The following PDE1A variants were observed in gnomAD, a reference collection of about 807,000 sequenced individuals.
PDE1A encodes phosphodiesterase 1A.
In PDE1A, 35 loss-of-function variants were observed where a neutral mutation model predicts 61.7. The ratio of observed to expected loss-of-function variants is 0.57; its 90% CI spans 0.43 to 0.75. The LOEUF is 0.75. Among genes scored for constraint, PDE1A ranks in the 30% least tolerant of loss-of-function variants. The pLI is 0.00. For synonymous variants in PDE1A, 232 were observed against 213.2 expected, an observed-to-expected ratio of 1.09 and a Z score of -0.77; for missense variants, 597 against 630.6, an observed-to-expected ratio of 0.95 and a Z score of 0.57.
chr2:182,248,803 G>A (rs1691179798), intron 2 of PDE1A, among the ~76,000 whole-genome samples: 1 of 152,126 alleles, frequency 6.6e-6, no homozygotes, highest in Admixed American at 6.5e-5. Flanking sequence ...GTGCAGTTAG[G>A]AGATACTGGT....
chr2:182,559,497 T>C, the PDE1A span, among the ~76,000 whole-genome samples: 1 of 152,154 alleles, frequency 6.6e-6, no homozygotes, highest in Non-Finnish European at 1.5e-5. Context: ...GACAAGGGTA[T>C]AGAGCAACCA....
At chr2:182,594,565 C>T in the PDE1A span, among the ~76,000 whole-genome samples, 6 of 152,176 alleles carry the variant, frequency 3.9e-5, no homozygotes, top group Admixed American at 1.3e-4. Context: ...CTAGTTTCAA[C>T]ATGACATAAC....
At chr2:182,378,890 AG>A (rs1046086070) in intron 1 of PDE1A, among the ~76,000 whole-genome samples, 3 of 152,322 alleles carry the variant, frequency 2.0e-5, no homozygotes, top group African/African-American at 7.2e-5. Flanking sequence ...GGATTTTTAA[AG>A]GTCATTCTTA....
the PDE1A span, among the ~76,000 whole-genome samples, chr2:182,536,951 T>C: frequency 6.6e-6 from 1 of 152,162 alleles, no homozygotes; most frequent in African/African-American, 2.4e-5. Context: ...GTCCCCAGCT[T>C]CTTTAGTCTT....
At chr2:182,222,531 T>C (rs1688814907) in intron 7 of PDE1A, among the ~76,000 whole-genome samples, 1 of 152,000 alleles carries the variant, frequency 6.6e-6, no homozygotes, top group African/African-American at 2.4e-5. Flanking sequence ...TGAACCTTCA[T>C]ATAAACAATG....
the PDE1A span, among the ~76,000 whole-genome samples, chr2:182,654,185 A>G: frequency 6.6e-6 from 1 of 152,226 alleles, no homozygotes; most frequent in Non-Finnish European, 1.5e-5. Flanking sequence ...CAGAGGCTAT[A>G]TTAGTTGATT....
chr2:182,295,359 C>A (rs1455412067), intron 1 of PDE1A, among the ~76,000 whole-genome samples: 3 of 152,162 alleles, frequency 2.0e-5, no homozygotes, highest in East Asian at 3.9e-4. Flanking sequence ...TAATCTTATC[C>A]CTACTTTGTA....
At chr2:182,630,595 T>C in the PDE1A span, among the ~76,000 whole-genome samples, 2 of 152,222 alleles carry the variant, frequency 1.3e-5, no homozygotes, top group East Asian at 3.8e-4. Context: ...CATTTATTCC[T>C]TCATGAAAAT....
intron 1 of PDE1A, among the ~76,000 whole-genome samples, chr2:182,405,739 A>ATTTCAAAAT (rs1215860412): frequency 2.0e-5 from 3 of 152,154 alleles, no homozygotes; most frequent in Non-Finnish European, 4.4e-5. Context: ...AATAAGGTGT[A>ATTTCAAAAT]TTTCAAAATT....
chr2:182,516,815 A>AG (rs1690213718), intron 2 of PDE1A, among the ~76,000 whole-genome samples: 1 of 83,176 alleles, frequency 1.2e-5, no homozygotes. Flanking sequence ...AAGGAAGGAA[A>AG]GGAAGGGAAG....
chr2:182,199,083 T>C (rs1316210607), intron 10 of PDE1A, among the ~76,000 whole-genome samples: 1 of 152,002 alleles, frequency 6.6e-6, no homozygotes, highest in Non-Finnish European at 1.5e-5. Flanking sequence ...TGGTAATTTA[T>C]ATCTGTCAAA....
upstream of PDE1A, among the ~76,000 whole-genome samples, chr2:182,430,031 T>C (rs1703852127): frequency 6.6e-6 from 1 of 152,164 alleles, no homozygotes; most frequent in Admixed American, 6.6e-5. Context: ...TCAAGTTAAG[T>C]GCAGGAGGGA....
chr2:182,551,709 G>C, the PDE1A span, among the ~76,000 whole-genome samples: 1 of 152,194 alleles, frequency 6.6e-6, no homozygotes, highest in Non-Finnish European at 1.5e-5. Context: ...GGTATGAACA[G>C]AGATAAGTGG....
chr2:182,627,320 T>TTATATATAAATAAAATATATATATTA, the PDE1A span, among the ~76,000 whole-genome samples: 1 of 86,540 alleles, frequency 1.2e-5, no homozygotes, highest in Non-Finnish European at 2.1e-5. Flanking sequence ...AATATATATA[T>TTATATATAAATAAAATATATATATTA]TATATATATA....
intron 2 of PDE1A, among the ~76,000 whole-genome samples, chr2:182,517,461 T>C (rs1419917935): frequency 6.6e-6 from 1 of 152,204 alleles, no homozygotes; most frequent in Non-Finnish European, 1.5e-5. Flanking sequence ...ATTTTATTCA[T>C]TCATTGACTT....
At chr2:182,209,464 ATGT>A (rs1488867127) in intron 7 of PDE1A, among the ~76,000 whole-genome samples, 3 of 151,372 alleles carry the variant, frequency 2.0e-5, no homozygotes, top group Non-Finnish European at 4.4e-5. Flanking sequence ...TATGAGCCAA[ATGT>A]TGATTACAAT....
chr2:182,413,859 T>A (rs1702762825), intron 1 of PDE1A, among the ~76,000 whole-genome samples: 1 of 152,154 alleles, frequency 6.6e-6, no homozygotes, highest in Non-Finnish European at 1.5e-5. Flanking sequence ...ATCTATTAAA[T>A]CTCATGGTGC....
chr2:182,201,076 A>G (rs912660376), intron 10 of PDE1A, among the ~76,000 whole-genome samples: 3 of 152,176 alleles, frequency 2.0e-5, no homozygotes, highest in Non-Finnish European at 4.4e-5. Flanking sequence ...TCTGGCCAAC[A>G]AGATTTATGC....
chr2:182,440,919 C>T (rs1684750120), intron 2 of PDE1A, among the ~76,000 whole-genome samples: 3 of 151,920 alleles, frequency 2.0e-5, no homozygotes, highest in Non-Finnish European at 2.9e-5. Context: ...TTATTTTTCC[C>T]CTTACCACGA....
Sources: allele counts gnomAD v4.1 joint callset (sites outside exome capture counted in the v4.1 genomes callset), GRCh38; gene constraint gnomAD v4.1.1; transcripts MANE v1.5; gene names NCBI Gene and HGNC (gene_info 2026-07-23, HGNC 2026-07-21).